The following DST variants were observed in gnomAD, a reference collection of about 807,000 sequenced individuals.
DST encodes dystonin, also known as bullous pemphigoid antigen.
DST carries 253 observed loss-of-function variants against 875.2 expected under a neutral mutation model. The ratio of observed to expected loss-of-function variants is 0.29; its 90% CI spans 0.26 to 0.32. The LOEUF (loss-of-function observed/expected upper bound fraction) is 0.32, where lower values mean the gene tolerates loss of function less well. Ranked by LOEUF, DST falls within the 10% of genes least tolerant of loss-of-function variation. DST has a pLI of 1.00. For missense variants in DST, 8,287 were observed against 9,111.6 expected (o/e 0.91, Z 3.68); for synonymous variants, 3,124 against 3,197.1 (o/e 0.98, Z 0.77).
At chr6:56,891,846 G>T (rs1787707291) in intron 3 of DST, among the ~76,000 whole-genome samples, 1 of 152,164 alleles carries the variant, frequency 6.6e-6, no homozygotes, top group Non-Finnish European at 1.5e-5. Flanking sequence ...TCCTCAGAAT[G>T]GTTTTTTGCC....
At chr6:56,810,846 G>A (rs2099759045) in intron 4 of DST, among the ~76,000 whole-genome samples, 1 of 152,028 alleles carries the variant, frequency 6.6e-6, no homozygotes, top group South Asian at 2.1e-4. Flanking sequence ...AACACCTCAG[G>A]TTTTCAAGGA....
chr6:56,558,835 C>G (rs2097480689), intron 58 of DST, among the ~76,000 whole-genome samples: 1 of 152,090 alleles, frequency 6.6e-6, no homozygotes, highest in African/African-American at 2.4e-5. Context: ...TCACACAGGT[C>G]CTGTGCCTGA....
intron 4 of DST, among the ~76,000 whole-genome samples, chr6:56,835,486 A>G (rs903560718): frequency 8.5e-5 from 13 of 152,172 alleles, no homozygotes; most frequent in African/African-American, 1.9e-4. Flanking sequence ...TTTCTGCTCA[A>G]TTTTGCTATA....
At chr6:56,952,407 C>CT (rs1822812894) in intron 2 of DST, among the ~76,000 whole-genome samples, 1 of 152,116 alleles carries the variant, frequency 6.6e-6, no homozygotes, top group South Asian at 2.1e-4. Context: ...TGTTTGCACT[C>CT]TGTCAATTAT....
intron 5 of DST, among the ~76,000 whole-genome samples, chr6:56,719,748 TG>T (rs2152906991): frequency 6.6e-6 from 1 of 152,314 alleles, no homozygotes; most frequent in South Asian, 2.1e-4. Context: ...ATTTTAAAGC[TG>T]GGCGTCTGGG....
At chr6:56,728,632 C>T (rs1281626602) in intron 5 of DST, among the ~76,000 whole-genome samples, 3 of 151,968 alleles carry the variant, frequency 2.0e-5, no homozygotes, top group South Asian at 2.1e-4. Flanking sequence ...GCTGAGATCA[C>T]GCCACTGCAC....
chr6:56,532,354 C>T lies in DST; in HGVS notation c.17098G>A (p.Ala5700Thr), dbSNP rs2096910913. 1 of 1,613,282 alleles carries T rather than the reference C, an allele frequency of 6.2e-7. No individual in the cohort carries two copies. The stretch of plus-strand genomic sequence containing the variant: ...AAGTATATAAGTTACCTTGTTTCAG[C>T]TTTATTAAGCAATGCCTCCCATCTG... ...DSRWEALLNKAETRNRQLEGI... is the reference protein window; with the variant it reads ...DSRWEALLNKTETRNRQLEGI... Residue 5700 changes from alanine to threonine, a missense_variant, in exon 64 of 104, where the codon GCT becomes ACT. Around this residue, in one of 10 missense-constraint regions of DST, gnomAD observed 777 missense variants for 764.8 expected, o/e 1.02. Coordinates refer to ENST00000680361, the MANE Select transcript of DST (RefSeq NM_001374736.1).
rs2094170353 is a variant in DST, at chr6:56,458,436, T to G, written c.*569A>C. On this transcript the variant is annotated 3_prime_UTR_variant, in exon 104 of 104. Transcript: ENST00000680361. ...ATGCCTCTGGCCTCATTGAAAGCAATGGCAGAGAAATGCTGCAAGGTACTT... is the reference window on the plus strand; with the variant it reads ...ATGCCTCTGGCCTCATTGAAAGCAAGGGCAGAGAAATGCTGCAAGGTACTT... The G allele has an allele frequency of 6.6e-6, 1 of 152,328 alleles. No homozygotes were observed. The highest frequency in any genetic ancestry group is 2.4e-5 in the African/African-American group (1 of 41,456). 9.4% of individuals were successfully genotyped at this position (152,328 alleles called of 1,614,324 possible).
intron 99 of DST, among the ~76,000 whole-genome samples, chr6:56,465,542 C>CTATA (rs1016051225): frequency 6.6e-6 from 1 of 151,848 alleles, no homozygotes; most frequent in Non-Finnish European, 1.5e-5. Flanking sequence ...ATGTAGAGAG[C>CTATA]TATAGTATTA....
chr6:56,460,262 T>G lies in DST; in HGVS notation c.23071-8A>C. On this transcript the variant is annotated splice_polypyrimidine_tract_variant and splice_region_variant and intron_variant, in intron 102 of 103. Transcript: ENST00000680361. The stretch of plus-strand genomic sequence containing the variant: ...TCCTTGTATTGGCGTTCCCTGTATT[T>G]AACCAGCAACAAGACATTTCAAAAT... The G allele has an allele frequency of 6.2e-7, 1 of 1,613,938 alleles. No homozygotes were observed. The highest frequency in any genetic ancestry group is 1.6e-4 in the Middle Eastern group (1 of 6,062).
chr6:56,675,907 T>C (rs190282764), intron 9 of DST, among the ~76,000 whole-genome samples: 30 of 152,152 alleles, frequency 2.0e-4, no homozygotes, highest in South Asian at 4.2e-4. Flanking sequence ...GATATCATAA[T>C]AGACATTTCT....
chr6:56,944,587 G>A (rs1048432875), intron 2 of DST, among the ~76,000 whole-genome samples: 2 of 152,174 alleles, frequency 1.3e-5, no homozygotes, highest in Non-Finnish European at 2.9e-5. Flanking sequence ...ATCATGGTCT[G>A]TTTGAAGAAT....
In DST at chr6:56,603,005, T is replaced by C. The variant is rs2098459673; in HGVS notation, c.11184A>G (p.Glu3728=). Residue 3728 remains glutamate, a synonymous_variant, in exon 43 of 104, where the codon GAA becomes GAG. Coordinates refer to ENST00000680361, the MANE Select transcript of DST (RefSeq NM_001374736.1). The stretch of plus-strand genomic sequence containing the variant: ...AGAATGACTTAAGTTTATGCAGAAA[T>C]TCTTCATGGGAAACTGCTAGTTTAG... ...EMSKLAVSHE[E]FLHKLKSFSD... The C allele has an allele frequency of 5.7e-6, 9 of 1,582,716 alleles. No individual in the cohort carries two copies. The highest frequency in any genetic ancestry group is 7.7e-6 in the Non-Finnish European group (9 of 1,170,934).
rs2097518697 is a variant in DST, at chr6:56,560,378, A to T, written c.14356T>A (p.Leu4786Met). 3 of 1,605,704 alleles carry T rather than the reference A, an allele frequency of 1.9e-6. No individual in the cohort carries two copies. In the African/African-American group the frequency reaches 4.0e-5, roughly 21 times the overall value. ...AACAGCTCTGTCAATTTGTCTTTCAACTCCTGTACTTTGTTTACATTCTGC... is the reference window on the plus strand; with the variant it reads ...AACAGCTCTGTCAATTTGTCTTTCATCTCCTGTACTTTGTTTACATTCTGC... ...LKQNVNKVQELKDKLTELLEE... is the reference protein window; with the variant it reads ...LKQNVNKVQEMKDKLTELLEE... The change falls in exon 58 of 104, where the codon TTG (leucine) becomes ATG (methionine). Residue 4786 changes from leucine (L) to methionine (M), a missense_variant. Transcript: ENST00000680361.
chr6:56,786,608 C>G lies in DST; in HGVS notation c.626-51319G>C, dbSNP rs1439431175. Among the ~76,000 whole-genome samples the G allele has an allele frequency of 2.0e-5, 3 of 152,216 alleles. No homozygotes were observed. The East Asian group carries it at 5.8e-4, about 29-fold the overall frequency. On this transcript the variant is annotated intron_variant, in intron 4 of 103. Coordinates refer to ENST00000680361, the MANE Select transcript of DST (RefSeq NM_001374736.1). ...AGTGCAGTGGCACAATCTGGGCTAA[C>G]TGCAACCTCTGCCTCCTGGGTTCAA...
At chr6:56,640,802 G>A (rs891684997) in intron 17 of DST, among the ~76,000 whole-genome samples, 197 bp from the exon 18 acceptor site, 1 of 152,100 alleles carries the variant, frequency 6.6e-6, no homozygotes, top group African/African-American at 2.4e-5. Context: ...TGGGAACTCT[G>A]TATTTTTCAC....
At chr6:56,824,574 C>T (rs533122359) in intron 4 of DST, among the ~76,000 whole-genome samples, 8 of 151,752 alleles carry the variant, frequency 5.3e-5, no homozygotes, top group East Asian at 1.9e-4. Flanking sequence ...CGTCTCTGCC[C>T]GGCCGCCCAT....
intron 100 of DST, 154 bp from the exon 101 acceptor site, chr6:56,463,918 A>G (rs1371184297): frequency 1.2e-6 from 1 of 825,354 alleles, no homozygotes; most frequent in East Asian, 2.4e-5. Flanking sequence ...TCAGCATAAC[A>G]AAAAGTTAAA....
chr6:56,817,484 A>C (rs1330787778), intron 4 of DST, among the ~76,000 whole-genome samples: 1 of 152,144 alleles, frequency 6.6e-6, no homozygotes, highest in East Asian at 1.9e-4. Flanking sequence ...TGGGGAAAAA[A>C]AGTTTTCTTT....
Sources: allele counts gnomAD v4.1 joint callset (sites outside exome capture counted in the v4.1 genomes callset), GRCh38; gene constraint gnomAD v4.1.1; regional missense constraint gnomAD v4.1.1; transcripts MANE v1.5; gene names NCBI Gene and HGNC (gene_info 2026-07-23, HGNC 2026-07-21).